TPTE2: variants seen among roughly 807,000 people sequenced by gnomAD.
TPTE2 encodes phosphatidylinositol 3,4,5-trisphosphate 3-phosphatase TPTE2.
TPTE2 carries 53 observed loss-of-function variants against 78.6 expected under a neutral mutation model. The ratio of observed to expected loss-of-function variants is 0.67; its 90% CI spans 0.54 to 0.85. The LOEUF (loss-of-function observed/expected upper bound fraction) is 0.85. Among genes scored for constraint, TPTE2 ranks in the 40% least tolerant of loss-of-function variants. TPTE2 has a pLI of 0.00. For missense variants in TPTE2, 461 were observed against 623.0 expected, an observed-to-expected ratio of 0.74 and a Z score of 2.77; for synonymous variants, 175 against 206.2, an observed-to-expected ratio of 0.85 and a Z score of 1.30.
At position 19,535,226 on chromosome 13, in the gene TPTE2, T is replaced by A. The variant is rs2011118; in HGVS notation, c.-44+1370A>T. ...TCAAAAAAACAAACAAACAAAAAAA[T>A]ATATATATATATATATTCTTTAGAT... On this transcript the variant is annotated intron_variant, in intron 1 of 17. Coordinates refer to the TPTE2 transcript ENST00000390680. This position sits in a 1 kb window ranked among gnomAD's most constrained non-coding sequence, Gnocchi z 5.1. 0.063 allele frequency among the ~76,000 whole-genome samples: 68 copies of A among 1,076 alleles called. 1 individual carries two copies. The highest frequency in any genetic ancestry group is 0.22 in the East Asian group (8 of 36). 0.7% of individuals were successfully genotyped at this position (1,076 alleles called of 152,430 possible). A position where few individuals can be genotyped will look rare whatever the true frequency, so the allele number is the denominator to read the frequency against.
upstream of TPTE2, among the ~76,000 whole-genome samples, chr13:19,505,197 G>C (rs1038689313): frequency 2.6e-5 from 4 of 152,036 alleles, no homozygotes; most frequent in Non-Finnish European, 5.9e-5. Flanking sequence ...CTGGAGTGCA[G>C]TGATGCGATC....
At chr13:19,465,149 A>T (rs2497079) in intron 9 of TPTE2, 106 bp downstream of exon 12, 1,424,869 of 1,429,888 alleles carry the variant, frequency 1, 710,043 homozygotes, top group East Asian at 1. Context: ...TATATTCTCA[A>T]GAATAAAGAA....
intron 1 of TPTE2, among the ~76,000 whole-genome samples, chr13:19,525,642 A>T (rs966266261): frequency 1.3e-5 from 2 of 152,218 alleles, no homozygotes; most frequent in Admixed American, 1.3e-4. Context: ...CCTTATGAAG[A>T]TTTCATGATG....
chr13:19,449,976 T>C, intron 13 of TPTE2, 100 bp downstream of exon 16: 2 of 1,220,438 alleles, frequency 1.6e-6, no homozygotes, highest in South Asian at 3.0e-5. Flanking sequence ...ATGCTAACAA[T>C]TATTAATACA....
intron 1 of TPTE2, among the ~76,000 whole-genome samples, chr13:19,509,451 C>G (rs1458230816): frequency 6.6e-6 from 1 of 151,960 alleles, no homozygotes; most frequent in Non-Finnish European, 1.5e-5. Context: ...TATAACACAA[C>G]TAAAAGTTTT....
intron 16 of TPTE2, 73 bp from the exon 20 acceptor site, chr13:19,430,620 C>T (rs1459383912): frequency 9.6e-7 from 1 of 1,037,846 alleles, no homozygotes. Context: ...CACTTAACAT[C>T]ATGGATTAAA....
intron 4 of TPTE2, among the ~76,000 whole-genome samples, chr13:19,476,753 T>C (rs1378678905): frequency 6.6e-6 from 1 of 152,164 alleles, no homozygotes; most frequent in East Asian, 1.9e-4. Context: ...GGAACACTTA[T>C]ACATTGTTGG....
At chr13:19,506,354 T>C (rs1869037333), upstream of TPTE2, among the ~76,000 whole-genome samples, 1 of 150,538 alleles carries the variant, frequency 6.6e-6, no homozygotes, top group Non-Finnish European at 1.5e-5. Context: ...TTTGTATTTT[T>C]AGTAGAGACG....
At chr13:19,526,329 A>T (rs1457572792) in intron 1 of TPTE2, among the ~76,000 whole-genome samples, 1 of 152,196 alleles carries the variant, frequency 6.6e-6, no homozygotes, top group East Asian at 1.9e-4. Flanking sequence ...TGTGGCACAC[A>T]TATACCATGG....
At position 19,511,305 on chromosome 13, in the gene TPTE2, C is replaced by T. The variant is rs184574487; in HGVS notation, c.-43-8028G>A. On this transcript the variant is annotated intron_variant, in intron 1 of 17. Transcript: ENST00000390680. ...GCACAAGAAGAATAATCTTATGTTA[C>T]TAAGCAAAAAACTAACAAAATGAGA... Among the ~76,000 whole-genome samples the T allele has an allele frequency of 5.0e-3, 767 of 152,208 alleles. 25 individuals are homozygous for T. The highest frequency in any genetic ancestry group is 0.045 in the Admixed American group (690 of 15,290).
the TPTE2 span, among the ~76,000 whole-genome samples, chr13:19,556,531 T>TCC: frequency 2.0e-3 from 309 of 152,040 alleles, 1 homozygote; most frequent in African/African-American, 7.1e-3. Flanking sequence ...TACAACATTC[T>TCC]CCCCCCCACC....
At chr13:19,504,079 C>T (rs1377932169), upstream of TPTE2, among the ~76,000 whole-genome samples, 1 of 152,060 alleles carries the variant, frequency 6.6e-6, no homozygotes, top group African/African-American at 2.4e-5. Context: ...TCACTGATAG[C>T]TCCACTCCAG....
chr13:19,444,950 G>A (rs868133576), intron 13 of TPTE2, among the ~76,000 whole-genome samples: 6 of 152,116 alleles, frequency 3.9e-5, no homozygotes, highest in South Asian at 2.1e-4. Context: ...GAAACATGAC[G>A]CCTTCCTCAC....
Position 19,438,154 on chromosome 13 carries a change from C to A in TPTE2, c.974-1G>T. 1 of 1,606,726 alleles carries A rather than the reference C, an allele frequency of 6.2e-7. No individual in the cohort carries two copies. Among genetic ancestry groups the A allele is most frequent in the Non-Finnish European group, 8.5e-7 (1 of 1,175,736 alleles). On this transcript the variant is annotated splice_acceptor_variant, in intron 13 of 19. Transcript: ENST00000400230. LOFTEE classifies it high-confidence loss of function. ...GCACAAACCATAGTCCCGGTTCTTC[C>A]TAGAAAAGAAAAGAAGTTAGTTCAA...
intron 1 of TPTE2, 112 bp downstream of exon 4, chr13:19,503,112 G>T (rs1593404805): frequency 2.0e-6 from 3 of 1,466,514 alleles, no homozygotes; most frequent in East Asian, 4.7e-5. Context: ...AGTGTGTATG[G>T]ATGGATGCAT....
intron 6 of TPTE2, among the ~76,000 whole-genome samples, chr13:19,469,953 T>A (rs1879503263): frequency 6.6e-6 from 1 of 152,202 alleles, no homozygotes; most frequent in Admixed American, 6.5e-5. Context: ...ATAAAATGTA[T>A]CATCTGCAAA....
At chr13:19,487,721 G>A (rs1375447107) in intron 3 of TPTE2, among the ~76,000 whole-genome samples, 1 of 152,130 alleles carries the variant, frequency 6.6e-6, no homozygotes, top group African/African-American at 2.4e-5. Flanking sequence ...TCCAGTGCTG[G>A]AGAGGCACAG....
chr13:19,440,390 A>G (rs1483036486), intron 13 of TPTE2, among the ~76,000 whole-genome samples: 5 of 150,234 alleles, frequency 3.3e-5, no homozygotes, highest in Non-Finnish European at 5.9e-5. Flanking sequence ...ATAGATGCAG[A>G]AAAAAAAGCT....
At chr13:19,537,063 T>C (rs1871255059), upstream of TPTE2, among the ~76,000 whole-genome samples, 1 of 151,906 alleles carries the variant, frequency 6.6e-6, no homozygotes, top group Admixed American at 6.6e-5. Context: ...TTTTTGGCCT[T>C]CTAAGGGTTA....
Sources: gnomAD v4.1 joint callset for allele counts (sites outside exome capture counted in the v4.1 genomes callset) on GRCh38, gnomAD v4.1.1 for gene constraint, Gnocchi (gnomAD v3.1) non-coding constraint, MANE v1.5 for transcripts, NCBI Gene and HGNC (gene_info 2026-07-23, HGNC 2026-07-21) for gene names.